The following VWC2L variants were observed in gnomAD, a reference collection of about 807,000 sequenced individuals.
The protein encoded by VWC2L is von Willebrand factor C domain-containing protein 2-like.
A neutral mutation model predicts 21.6 loss-of-function variants in VWC2L; 10 were observed. The observed-to-expected ratio is 0.46, with a 90% CI of 0.29 to 0.78. The LOEUF (loss-of-function observed/expected upper bound fraction) is 0.78, where lower values mean the gene tolerates loss of function less well. VWC2L is among the 30% of genes least tolerant of loss of function. The pLI is 0.10. For missense variants in VWC2L, 209 were observed against 277.1 expected (o/e 0.75, Z 1.74); for synonymous variants, 96 against 94.3 (o/e 1.02, Z -0.10).
intron 2 of VWC2L, among the ~76,000 whole-genome samples, chr2:214,430,699 TA>T (rs1368553593): frequency 6.6e-6 from 1 of 152,158 alleles, no homozygotes. Context: ...GCTGAAAAAA[TA>T]TACTCCAGAA....
At chr2:214,558,807 AGTTTT>A (rs1309066114) in intron 3 of VWC2L, among the ~76,000 whole-genome samples, 4 of 143,386 alleles carry the variant, frequency 2.8e-5, no homozygotes, top group Non-Finnish European at 6.1e-5. Context: ...TACCAACTAT[AGTTTT>A]GTTTTTTTTT....
At chr2:214,500,331 G>A (rs1358740954) in intron 3 of VWC2L, among the ~76,000 whole-genome samples, 2 of 152,194 alleles carry the variant, frequency 1.3e-5, no homozygotes, top group Non-Finnish European at 2.9e-5. Context: ...TTTCCCTCAT[G>A]TAGATTAAAG....
chr2:214,502,640 A>G (rs969262862), intron 3 of VWC2L, among the ~76,000 whole-genome samples: 1 of 152,234 alleles, frequency 6.6e-6, no homozygotes, highest in African/African-American at 2.4e-5. Flanking sequence ...ACACTCTGAA[A>G]TGATACCTAG....
chr2:214,440,311 A>G (rs1462386641), intron 3 of VWC2L, among the ~76,000 whole-genome samples: 2 of 152,012 alleles, frequency 1.3e-5, no homozygotes, highest in Non-Finnish European at 2.9e-5. Flanking sequence ...GTTTCTAAAA[A>G]TATTATTAAG....
chr2:214,566,268 C>A (rs1021360141), intron 3 of VWC2L, among the ~76,000 whole-genome samples: 1 of 152,130 alleles, frequency 6.6e-6, no homozygotes, highest in Non-Finnish European at 1.5e-5. Flanking sequence ...ACGTAGGACC[C>A]GAACTATGCC....
At chr2:214,423,818 T>C (rs1369332588) in intron 2 of VWC2L, among the ~76,000 whole-genome samples, 2 of 152,150 alleles carry the variant, frequency 1.3e-5, no homozygotes, top group Non-Finnish European at 2.9e-5. Flanking sequence ...TTATTTTCAC[T>C]GAGACTACTT....
chr2:214,549,444 A>G (rs1436762271), intron 3 of VWC2L, among the ~76,000 whole-genome samples: 2 of 152,224 alleles, frequency 1.3e-5, no homozygotes, highest in African/African-American at 2.4e-5. Context: ...CAATCAGGAC[A>G]ACATTAAGTT....
intron 3 of VWC2L, among the ~76,000 whole-genome samples, chr2:214,531,747 G>T (rs1377056971): frequency 6.6e-6 from 1 of 152,116 alleles, no homozygotes; most frequent in African/African-American, 2.4e-5. Flanking sequence ...ACTATCAGTG[G>T]AAGCTACCGA....
In VWC2L at chr2:214,499,607, C is replaced by T. The variant is rs139872879; in HGVS notation, c.520+62849C>T. Among the ~76,000 whole-genome samples the T allele has an allele frequency of 5.6e-3, 849 of 151,998 alleles. 11 individuals carry two copies. Among genetic ancestry groups the T allele is most frequent in the African/African-American group, 0.019 (785 of 41,442 alleles). On this transcript the variant is annotated intron_variant, in intron 3 of 3. Transcript: ENST00000312504. The stretch of plus-strand genomic sequence containing the variant: ...ACAAGGCACATGTATACATATGTAC[C>T]AAACCTGCACGTTGTGCATATGTAC...
chr2:214,444,741 T>C (rs1448894155), intron 3 of VWC2L, among the ~76,000 whole-genome samples: 1 of 152,036 alleles, frequency 6.6e-6, no homozygotes, highest in Non-Finnish European at 1.5e-5. Context: ...TATTACAATT[T>C]AGTACACAAT....
chr2:214,421,879 C>A (rs1702446376), intron 2 of VWC2L, among the ~76,000 whole-genome samples: 1 of 124,694 alleles, frequency 8.0e-6, no homozygotes, highest in African/African-American at 3.5e-5. Flanking sequence ...TTTCTATTTC[C>A]TACATCTTTT....
intron 3 of VWC2L, among the ~76,000 whole-genome samples, chr2:214,524,868 A>G (rs879624549): frequency 2.6e-5 from 4 of 152,136 alleles, no homozygotes; most frequent in African/African-American, 9.7e-5. Context: ...GTTTAGAGGA[A>G]CACACAATAA....
chr2:214,573,642 A>C (rs550079809), intron 3 of VWC2L, among the ~76,000 whole-genome samples: 62 of 152,304 alleles, frequency 4.1e-4, no homozygotes, highest in African/African-American at 1.5e-3. Flanking sequence ...CATTCTGGAA[A>C]AACCTCTCTG....
At chr2:214,535,135 T>G in intron 3 of VWC2L, among the ~76,000 whole-genome samples, 1 of 152,218 alleles carries the variant, frequency 6.6e-6, no homozygotes, top group Non-Finnish European at 1.5e-5. Flanking sequence ...TTTTTTAGGC[T>G]AAACAATAAA....
At chr2:214,549,853 T>C (rs1422711041) in intron 3 of VWC2L, among the ~76,000 whole-genome samples, 2 of 152,160 alleles carry the variant, frequency 1.3e-5, no homozygotes, top group South Asian at 4.1e-4. Flanking sequence ...TGGGTAGAAT[T>C]ATAAGATACT....
At chr2:214,497,106 T>C (rs749306070) in intron 3 of VWC2L, among the ~76,000 whole-genome samples, 2 of 152,212 alleles carry the variant, frequency 1.3e-5, no homozygotes, top group Non-Finnish European at 2.9e-5. Flanking sequence ...AGCTGGTACT[T>C]ACAGAAGTTC....
chr2:214,443,846 AAG>A (rs532079411), intron 3 of VWC2L, among the ~76,000 whole-genome samples: 106 of 152,326 alleles, frequency 7.0e-4, no homozygotes, highest in South Asian at 5.0e-3. Context: ...GTAATTAGAA[AAG>A]AGAATTCAAG....
intron 3 of VWC2L, chr2:214,533,867 A>G (rs1170078201): frequency 6.6e-6 from 1 of 152,130 alleles, no homozygotes; most frequent in Non-Finnish European, 1.5e-5. Flanking sequence ...TTAGCCATAA[A>G]CCTTCCAAGT....
chr2:214,485,531 C>T (rs151025593), intron 3 of VWC2L, among the ~76,000 whole-genome samples: 1,825 of 152,118 alleles, frequency 0.012, 35 homozygotes, highest in African/African-American at 0.042. Context: ...ATAGATTGGC[C>T]GAAGAGATGA....
Sources: allele counts gnomAD v4.1 joint callset (sites outside exome capture counted in the v4.1 genomes callset), GRCh38; gene constraint gnomAD v4.1.1; transcripts MANE v1.5; gene names NCBI Gene and HGNC (gene_info 2026-07-23, HGNC 2026-07-21).